CARD8: variants seen among roughly 807,000 people sequenced by gnomAD.
CARD8 encodes the protein caspase recruitment domain family member 8.
A neutral mutation model predicts 53.2 loss-of-function variants in CARD8; 38 were observed. The ratio of observed to expected loss-of-function variants is 0.71; its 90% CI spans 0.55 to 0.94. The LOEUF (loss-of-function observed/expected upper bound fraction) is 0.94, where lower values mean the gene tolerates loss of function less well. Among genes scored for constraint, CARD8 ranks in the 40% least tolerant of loss-of-function variants. CARD8 has a pLI of 0.00. For missense variants in CARD8, 561 were observed against 655.5 expected, an observed-to-expected ratio of 0.86 and a Z score of 1.57; for synonymous variants, 245 against 244.9, an observed-to-expected ratio of 1.00 and a Z score of 0.00.
At chr19:48,217,486 T>A (rs1033720514) in intron 12 of CARD8, among the ~76,000 whole-genome samples, 5 of 152,240 alleles carry the variant, frequency 3.3e-5, no homozygotes, top group Admixed American at 2.0e-4. Flanking sequence ...ATACAACTTA[T>A]CTTCATATGG....
chr19:48,203,937 G>C, downstream of CARD8: 1 of 281,660 alleles, frequency 3.6e-6, no homozygotes, highest in Non-Finnish European at 7.2e-6. Flanking sequence ...CAGCGCTTTC[G>C]CGTCCAAGTC....
At chr19:48,207,158 T>A (rs1376174317), downstream of CARD8, among the ~76,000 whole-genome samples, 1 of 116,214 alleles carries the variant, frequency 8.6e-6, no homozygotes. Context: ...ACAGAGAGAC[T>A]CTGTCTCAAA....
chr19:48,227,374 A>C (rs2041995214), intron 10 of CARD8, among the ~76,000 whole-genome samples: 1 of 152,140 alleles, frequency 6.6e-6, no homozygotes, highest in Non-Finnish European at 1.5e-5. Flanking sequence ...TTCAGTTACG[A>C]GACGAAGAAT....
intron 7 of CARD8, chr19:48,232,187 C>A: frequency 1.7e-6 from 1 of 575,068 alleles, no homozygotes; most frequent in Non-Finnish European, 3.1e-6. Flanking sequence ...TCCAAAGATG[C>A]AGAGGCGAAA....
At chr19:48,204,127 C>T (rs753239572), downstream of CARD8, 49 of 453,890 alleles carry the variant, frequency 1.1e-4, no homozygotes, top group Non-Finnish European at 1.8e-4. Context: ...GTCTGGGCGC[C>T]GGGGCTGCAG....
At chr19:48,253,589 G>A (rs1308015714) in intron 1 of CARD8, among the ~76,000 whole-genome samples, 1 of 152,130 alleles carries the variant, frequency 6.6e-6, no homozygotes, top group Non-Finnish European at 1.5e-5. Flanking sequence ...GTTATATTAA[G>A]ATTCCAATAA....
chr19:48,227,846 G>A (rs113581183), intron 10 of CARD8, among the ~76,000 whole-genome samples: 3 of 152,106 alleles, frequency 2.0e-5, no homozygotes, highest in Admixed American at 6.5e-5. Flanking sequence ...CAGGGAAATT[G>A]GGATAATATG....
Position 48,241,062 on chromosome 19 carries a change from C to G in CARD8, c.-42G>C. 6.8e-7 allele frequency: 1 copy of G among 1,467,226 alleles called. No homozygotes were observed. Among genetic ancestry groups the G allele is most frequent in the Non-Finnish European group, 9.2e-7 (1 of 1,085,912 alleles). 90.9% of individuals were successfully genotyped at this position (1,467,226 alleles called of 1,614,324 possible). Reference sequence around the variant, plus strand: ...TTATGTCTTTACTGTATCTTTTTTACCCTGAAAAAATAAAAGGAGGTTGTA... The same window carrying G: ...TTATGTCTTTACTGTATCTTTTTTAGCCTGAAAAAATAAAAGGAGGTTGTA... On this transcript the variant is annotated splice_region_variant and 5_prime_UTR_variant, in exon 4 of 14. Transcript: ENST00000651546.
chr19:48,207,732 C>CTGTTGTTTTTTTTT, downstream of CARD8, among the ~76,000 whole-genome samples: 1 of 91,272 alleles, frequency 1.1e-5, no homozygotes, highest in South Asian at 4.2e-4. Context: ...TGTTGTTTTT[C>CTGTTGTTTTTTTTT]TGTTTTTTTT....
intron 6 of CARD8, 123 bp downstream of exon 6, chr19:48,234,280 C>T: frequency 2.1e-6 from 2 of 971,618 alleles, no homozygotes; most frequent in Non-Finnish European, 3.0e-6. Context: ...GCTAGTATTG[C>T]ATAAGCTCAT....
At chr19:48,243,394 CTGAA>C (rs1246591403) in intron 3 of CARD8, among the ~76,000 whole-genome samples, 1 of 152,160 alleles carries the variant, frequency 6.6e-6, no homozygotes, top group African/African-American at 2.4e-5. Context: ...TCTGCAATAA[CTGAA>C]TGTCTATTTA....
chr19:48,214,194 T>C (rs1387888473), intron 13 of CARD8, among the ~76,000 whole-genome samples: 1 of 152,192 alleles, frequency 6.6e-6, no homozygotes, highest in Non-Finnish European at 1.5e-5. Flanking sequence ...GAATGGAGCC[T>C]TGCTGAGAGA....
Position 48,230,702 on chromosome 19 carries a change from T to C in CARD8, c.773-2A>G, listed in dbSNP as rs1317287028. 1 of 1,613,426 alleles carries C rather than the reference T, an allele frequency of 6.2e-7. No individual in the cohort carries two copies. Among genetic ancestry groups the C allele is most frequent in the Non-Finnish European group, 8.5e-7 (1 of 1,179,482 alleles). On this transcript the variant is annotated splice_acceptor_variant, in intron 9 of 13. Coordinates refer to ENST00000651546, the MANE Select transcript of CARD8 (RefSeq NM_001184900.3). LOFTEE classifies it high-confidence loss of function. ...ACCAGGAGACGTCCACCTCACCTGC[T>C]GCAGGAGAACCACAACAGCAGTGAG...
intron 3 of CARD8, among the ~76,000 whole-genome samples, chr19:48,245,893 C>A (rs926355932): frequency 6.7e-6 from 1 of 148,404 alleles, no homozygotes; most frequent in South Asian, 2.1e-4. Flanking sequence ...ATTGTATATG[C>A]AATTGTAATA....
At chr19:48,248,702 T>C (rs1008182214) in intron 3 of CARD8, among the ~76,000 whole-genome samples, 3 of 152,224 alleles carry the variant, frequency 2.0e-5, no homozygotes, top group African/African-American at 7.2e-5. Flanking sequence ...AAGACACACC[T>C]ACCCTTGAAA....
At chr19:48,232,822 A>G (rs2043162107) in intron 6 of CARD8, 1 of 501,044 alleles carries the variant, frequency 2.0e-6, no homozygotes, top group African/African-American at 1.9e-5. Flanking sequence ...TTGAATGAAG[A>G]TATTTTTATC....
rs905071664 is a variant in CARD8 at position 48,236,493 on chromosome 19, T to C, written c.209+1890A>G. 6.5e-4 allele frequency among the ~76,000 whole-genome samples: 99 copies of C among 151,980 alleles called. 2 individuals are homozygous for C. The highest frequency in any genetic ancestry group is 6.2e-3 in the Admixed American group (94 of 15,252). On this transcript the variant is annotated intron_variant, in intron 5 of 13. Coordinates refer to ENST00000651546, the MANE Select transcript of CARD8 (RefSeq NM_001184900.3). ...CCTCCCAAAGTCCTGGGATTACACCTGTGAGCCACCGCACCCAGTCTGGGA... is the reference window on the plus strand; with the variant it reads ...CCTCCCAAAGTCCTGGGATTACACCCGTGAGCCACCGCACCCAGTCTGGGA...
At chr19:48,233,182 A>G (rs1600449484) in intron 6 of CARD8, 3 of 365,692 alleles carry the variant, frequency 8.2e-6, no homozygotes, top group South Asian at 2.1e-5. Context: ...GGTGATTCCA[A>G]TATTAGCCAA....
chr19:48,220,597 C>T (rs554695156), intron 11 of CARD8, among the ~76,000 whole-genome samples: 1 of 152,208 alleles, frequency 6.6e-6, no homozygotes, highest in African/African-American at 2.4e-5. Context: ...TTTTAGAGAA[C>T]ATATGCTGTG....
Sources: allele counts gnomAD v4.1 joint callset (sites outside exome capture counted in the v4.1 genomes callset), GRCh38; gene constraint gnomAD v4.1.1; transcripts MANE v1.5; gene names NCBI Gene and HGNC (gene_info 2026-07-23, HGNC 2026-07-21).